Variants in DSG1 observed in about 807,000 individuals in gnomAD.
The protein encoded by DSG1 is desmoglein 1, also known as desmoglein-1.
A neutral mutation model predicts 97.5 loss-of-function variants in DSG1; 39 were observed. That is an observed-to-expected ratio of 0.40 (90% CI 0.31 to 0.52). The LOEUF is 0.52. DSG1 is among the 20% of genes least tolerant of loss of function. The pLI, the probability that DSG1 is intolerant of heterozygous loss-of-function variation, is 0.53. For synonymous variants in DSG1, 475 were observed against 443.4 expected, an observed-to-expected ratio of 1.07 and a Z score of -0.90; for missense variants, 1,311 against 1,295.4, an observed-to-expected ratio of 1.01 and a Z score of -0.18.
In DSG1 at chr18:31,354,823, A is replaced by G; in HGVS notation, c.2627A>G (p.Asp876Gly). 6.2e-7 allele frequency: 1 copy of G among 1,614,090 alleles called. No homozygotes were observed. The highest frequency in any genetic ancestry group is 8.5e-7 in the Non-Finnish European group (1 of 1,180,008). The stretch of plus-strand genomic sequence containing the variant: ...GTGGTCGGCCCAATCTCTGGCGCTG[A>G]TTTGCATGGAATGTTAGAGATGCCT... The part of the protein sequence containing the change: ...ERVVGPISGA[D>G]LHGMLEMPDL... The change falls in exon 15 of 15, where the codon GAT becomes GGT. Residue 876 changes from aspartate (D) to glycine (G), a missense_variant. Physicochemically the swap from Asp to Gly is moderately conservative, Grantham distance 94 (BLOSUM62 -1). Around this residue, in one of 3 missense-constraint regions of DSG1, gnomAD observed 1,038 missense variants for 964.6 expected, o/e 1.08. Transcript: ENST00000257192.
intron 4 of DSG1, 133 bp from the exon 5 acceptor site, chr18:31,329,759 A>G (rs2071709139): frequency 8.9e-7 from 1 of 1,129,042 alleles, no homozygotes. Context: ...AGTGACTGTA[A>G]GTAGGGCTTG....
rs1265589467 is a variant in DSG1, at chr18:31,354,423, C to G, written c.2227C>G (p.Leu743Val). ...VGCCSFIGED[L>V]DDSFLDTLGP... ...TTGTTGTAGCTTCATTGGAGAAGACCTGGATGACAGCTTCTTGGATACCCT... is the reference window on the plus strand; with the variant it reads ...TTGTTGTAGCTTCATTGGAGAAGACGTGGATGACAGCTTCTTGGATACCCT... The change falls in exon 15 of 15, where the codon CTG becomes GTG. Residue 743 changes from leucine to valine, a missense_variant. Leu to Val is a conservative substitution (Grantham distance 32, BLOSUM62 1). Around this residue, in one of 3 missense-constraint regions of DSG1, gnomAD observed 1,038 missense variants for 964.6 expected, o/e 1.08. Transcript: ENST00000257192. The G allele has an allele frequency of 1.5e-5, 25 of 1,614,180 alleles. No individual in the cohort carries two copies. Among genetic ancestry groups the G allele is most frequent in the Non-Finnish European group, 1.9e-5 (23 of 1,180,036 alleles).
rs2144129812 is a variant in DSG1, at chr18:31,355,795, A to G, written c.*449A>G. 5.8e-6 allele frequency: 1 copy of G among 171,626 alleles called. No homozygotes were observed. Among genetic ancestry groups the G allele is most frequent in the South Asian group, 1.5e-4 (1 of 6,874 alleles). The allele number at this position is 171,626 out of a possible 1,614,324, so 10.6% of individuals were successfully genotyped here. ...TTGGTTTCACAGATAACATAAATAA[A>G]AATTCAACCACAGATTTATACAAGG... On this transcript the variant is annotated 3_prime_UTR_variant, in exon 15 of 15. Coordinates refer to ENST00000257192, the MANE Select transcript of DSG1 (RefSeq NM_001942.4).
rs1033531816 is a variant in DSG1 at position 31,357,492 on chromosome 18, C to T, written c.*2146C>T. Among the ~76,000 whole-genome samples the T allele has an allele frequency of 1.3e-5, 2 of 151,992 alleles. No individual in the cohort carries two copies. The highest frequency in any genetic ancestry group is 2.9e-5 in the Non-Finnish European group (2 of 67,902). ...GGGAATGGTAGCTGACCACAGGAAA[C>T]TTGCTTACTGTTTTGATATGAAATA... On this transcript the variant is annotated 3_prime_UTR_variant, in exon 15 of 15. Coordinates refer to ENST00000257192, the MANE Select transcript of DSG1 (RefSeq NM_001942.4).
chr18:31,332,535 TTA>T (rs2071727425), intron 6 of DSG1, among the ~76,000 whole-genome samples: 1 of 152,072 alleles, frequency 6.6e-6, no homozygotes, highest in South Asian at 2.1e-4. Flanking sequence ...CCTTGTGATT[TTA>T]TGATTTAGTT....
chr18:31,319,347 T>A (rs1245539021), intron 1 of DSG1, among the ~76,000 whole-genome samples: 1 of 152,188 alleles, frequency 6.6e-6, no homozygotes, highest in East Asian at 1.9e-4. Context: ...ACTGGAATGT[T>A]GGGTTGGTTG....
intron 14 of DSG1, among the ~76,000 whole-genome samples, chr18:31,352,338 T>C (rs373249273): frequency 1.3e-4 from 19 of 151,390 alleles, no homozygotes; most frequent in African/African-American, 4.4e-4. Context: ...CTGAGAGATC[T>C]GCTGTTAGTC....
Position 31,357,485 on chromosome 18 carries a change from CA to C in DSG1, c.*2140del, listed in dbSNP as rs1329387977. ...TATTAAAGGGAATGGTAGCTGACCA[CA>C]GGAAACTTGCTTACTGTTTTGATAT... is the stretch of plus-strand genomic sequence containing the variant. On this transcript the variant is annotated 3_prime_UTR_variant, in exon 15 of 15. Transcript: ENST00000257192. Among the ~76,000 whole-genome samples, 2 of 152,026 alleles carry C rather than the reference CA, an allele frequency of 1.3e-5. No individual in the cohort carries two copies. Among genetic ancestry groups the C allele is most frequent in the African/African-American group, 4.8e-5 (2 of 41,426 alleles).
chr18:31,341,265 C>G (rs2071787036), intron 11 of DSG1, among the ~76,000 whole-genome samples: 1 of 152,196 alleles, frequency 6.6e-6, no homozygotes, highest in Non-Finnish European at 1.5e-5. Context: ...ATCATAAAAT[C>G]TTAATGTCAG....
chr18:31,326,423 C>A (rs1479340555), intron 1 of DSG1, among the ~76,000 whole-genome samples, 158 bp from the exon 2 acceptor site: 2 of 151,610 alleles, frequency 1.3e-5, no homozygotes, highest in Non-Finnish European at 2.9e-5. Context: ...ATCATCAGAC[C>A]CAAGACATAA....
chr18:31,344,142 G>A lies in DSG1; in HGVS notation c.1891+147G>A, dbSNP rs548765391. 2.2e-5 allele frequency: 15 copies of A among 687,110 alleles called. No individual in the cohort carries two copies. The Admixed American group carries it at 2.8e-4, about 13-fold the overall frequency. The allele number at this position is 687,110 out of a possible 1,614,324, so 42.6% of individuals were successfully genotyped here. ...AAATGACTAACTTGTAAATTAAATGGCAAGGAAAAACCTATGGTAATTATT... is the reference window on the plus strand; with the variant it reads ...AAATGACTAACTTGTAAATTAAATGACAAGGAAAAACCTATGGTAATTATT... On this transcript the variant is annotated intron_variant, in intron 13 of 14. Transcript: ENST00000257192.
intron 11 of DSG1, among the ~76,000 whole-genome samples, chr18:31,340,484 T>C (rs1389060151): frequency 6.6e-6 from 1 of 150,716 alleles, no homozygotes; most frequent in Admixed American, 6.6e-5. Context: ...GGTAGGTGCC[T>C]CTAATCCCAG....
At chr18:31,320,556 T>TA (rs1039618298) in intron 1 of DSG1, among the ~76,000 whole-genome samples, 1 of 152,208 alleles carries the variant, frequency 6.6e-6, no homozygotes, top group Non-Finnish European at 1.5e-5. Flanking sequence ...GAGCTGCTCT[T>TA]ACAGCAATCA....
intron 10 of DSG1, among the ~76,000 whole-genome samples, chr18:31,339,538 CTAA>C (rs2071775201): frequency 6.6e-6 from 1 of 151,632 alleles, no homozygotes; most frequent in African/African-American, 2.4e-5. Context: ...ATTACTATGA[CTAA>C]TAATGTTAGT....
chr18:31,331,556 A>G, intron 5 of DSG1, 145 bp from the exon 6 acceptor site: 1 of 686,352 alleles, frequency 1.5e-6, no homozygotes, highest in Non-Finnish European at 2.5e-6. Context: ...TAAGATATCC[A>G]TATGTTGAAG....
chr18:31,350,550 T>C (rs2144119123), intron 14 of DSG1, among the ~76,000 whole-genome samples: 1 of 150,400 alleles, frequency 6.6e-6, no homozygotes, highest in Non-Finnish European at 1.5e-5. Flanking sequence ...ATGGTACCAG[T>C]TCCTCCTTGT....
At chr18:31,354,190 C>A in intron 14 of DSG1, 107 bp from the exon 15 acceptor site, 1 of 933,376 alleles carries the variant, frequency 1.1e-6, no homozygotes, top group South Asian at 1.4e-5. Flanking sequence ...TGTTTTATTT[C>A]ATTCCTCTTT....
intron 14 of DSG1, among the ~76,000 whole-genome samples, chr18:31,351,871 G>T (rs199532049): frequency 6.6e-6 from 1 of 151,948 alleles, no homozygotes; most frequent in Non-Finnish European, 1.5e-5. Flanking sequence ...GTCTCTGCAC[G>T]TGAGATGGGT....
In DSG1 at chr18:31,330,018, G is replaced by A. The variant is rs368298939; in HGVS notation, c.499G>A (p.Glu167Lys). 4 of 1,613,034 alleles carry A rather than the reference G, an allele frequency of 2.5e-6. No homozygotes were observed. In the African/African-American group the frequency reaches 5.3e-5, roughly 22 times the overall value. ...AATGGCTACATTTGCAGGACAAATA[G>A]AAGAAAATTCTAATGCAAGTAAGTA... ...FSMATFAGQIEENSNANTLVM... is the reference protein window; with the variant it reads ...FSMATFAGQIKENSNANTLVM... Residue 167 changes from glutamate (E) to lysine (K), a missense_variant, in exon 5 of 15, where the codon GAA (glutamate) becomes AAA (lysine). Glu to Lys is a moderately conservative substitution (Grantham distance 56). This residue lies in a region of DSG1 where 259 missense variants were observed against 304.1 expected (regional missense o/e 0.85). Coordinates refer to ENST00000257192, the MANE Select transcript of DSG1 (RefSeq NM_001942.4).
Sources: gnomAD v4.1 joint callset for allele counts (sites outside exome capture counted in the v4.1 genomes callset) on GRCh38, gnomAD v4.1.1 for gene constraint, gnomAD v4.1.1 regional missense constraint, MANE v1.5 for transcripts, NCBI Gene and HGNC (gene_info 2026-07-23, HGNC 2026-07-21) for gene names.